PALLD: variants seen among roughly 807,000 people sequenced by gnomAD.
PALLD encodes the protein palladin, cytoskeletal associated protein.
A neutral mutation model predicts 123.5 loss-of-function variants in PALLD; 61 were observed. That is an observed-to-expected ratio of 0.49 (90% confidence interval 0.40 to 0.61). PALLD has a LOEUF of 0.61. Ranked by LOEUF, PALLD falls within the 20% of genes least tolerant of loss-of-function variation. PALLD has a pLI of 0.00. For missense variants in PALLD, 1,273 were observed against 1,377.0 expected, an observed-to-expected ratio of 0.92 and a Z score of 1.20; for synonymous variants, 465 against 496.4, an observed-to-expected ratio of 0.94 and a Z score of 0.84.
chr4:168,710,261 T>C (rs1784705421), intron 9 of PALLD, among the ~76,000 whole-genome samples: 1 of 150,744 alleles, frequency 6.6e-6, no homozygotes, highest in Non-Finnish European at 1.5e-5. Flanking sequence ...GAAGGCAATA[T>C]GAAACAGCTT....
At chr4:168,886,005 T>C (rs1287883539) in intron 10 of PALLD, among the ~76,000 whole-genome samples, 1 of 152,228 alleles carries the variant, frequency 6.6e-6, no homozygotes, top group Non-Finnish European at 1.5e-5. Context: ...CTCTTATTTT[T>C]CTTTGTGGAA....
Position 168,613,923 on chromosome 4 carries a change from G to T in PALLD, c.909-54267G>T, listed in dbSNP as rs150112809. Among the ~76,000 whole-genome samples, 5 of 152,282 alleles carry T rather than the reference G, an allele frequency of 3.3e-5. No homozygotes were observed. The South Asian group carries it at 8.3e-4, about 25-fold the overall frequency. Reference sequence around the variant, plus strand: ...AACATCGTGAAAAGAAATCTGAGTCGTAGAGCTCCACATCCTGCTGCCCTC... The same window carrying T: ...AACATCGTGAAAAGAAATCTGAGTCTTAGAGCTCCACATCCTGCTGCCCTC... On this transcript the variant is annotated intron_variant, in intron 2 of 21. Transcript: ENST00000505667.
chr4:168,541,985 G>A (rs1047532893), intron 2 of PALLD, among the ~76,000 whole-genome samples: 3 of 152,120 alleles, frequency 2.0e-5, no homozygotes, highest in African/African-American at 7.2e-5. Context: ...GCAGAGGTGA[G>A]GGGAAAGTGG....
intron 6 of PALLD, 42 bp downstream of exon 6, chr4:168,685,601 C>G: frequency 1.5e-6 from 2 of 1,330,404 alleles, no homozygotes; most frequent in Non-Finnish European, 2.2e-6. Flanking sequence ...TTGCTTTGGT[C>G]CTTAAATTTC....
intron 2 of PALLD, among the ~76,000 whole-genome samples, chr4:168,567,462 C>A (rs1580349971): frequency 1.3e-5 from 2 of 151,458 alleles, no homozygotes; most frequent in South Asian, 4.2e-4. Flanking sequence ...ATTAAAACCA[C>A]AAAGCAAATG....
intron 10 of PALLD, among the ~76,000 whole-genome samples, chr4:168,878,592 T>G (rs1424895666): frequency 6.7e-6 from 1 of 150,158 alleles, no homozygotes; most frequent in Non-Finnish European, 1.5e-5. Flanking sequence ...CACTTAACAT[T>G]ATCAAAATCA....
chr4:168,623,950 C>T (rs1311539519), intron 2 of PALLD, among the ~76,000 whole-genome samples: 1 of 152,062 alleles, frequency 6.6e-6, no homozygotes, highest in Non-Finnish European at 1.5e-5. Flanking sequence ...AAAGACATAA[C>T]ATAATAAGAT....
At chr4:168,918,320 T>G (rs1760659530) in intron 17 of PALLD, among the ~76,000 whole-genome samples, 1 of 93,096 alleles carries the variant, frequency 1.1e-5, no homozygotes, top group African/African-American at 3.0e-5. Context: ...ATAAAGAAAA[T>G]ATGAGATATA....
rs369231088 is a variant in PALLD at position 168,852,049 on chromosome 4, G to A, written c.1965-38873G>A. Among the ~76,000 whole-genome samples the A allele has an allele frequency of 9.8e-5, 15 of 152,314 alleles. No homozygotes were observed. In the East Asian group the frequency reaches 2.1e-3, roughly 22 times the overall value. On this transcript the variant is annotated intron_variant, in intron 10 of 21. Transcript: ENST00000505667. ...CTGCCTTCCTGAGTGAGTTGGAGAC[G>A]TAGACACTACCTGGACAGGCTGGAG...
At chr4:168,561,896 C>G (rs1478413920) in intron 2 of PALLD, among the ~76,000 whole-genome samples, 2 of 152,006 alleles carry the variant, frequency 1.3e-5, no homozygotes. Flanking sequence ...GCTACCGTGA[C>G]TTTTCCCTCC....
intron 10 of PALLD, among the ~76,000 whole-genome samples, chr4:168,744,901 A>G (rs1471649721): frequency 6.6e-6 from 1 of 152,174 alleles, no homozygotes; most frequent in Non-Finnish European, 1.5e-5. Context: ...AGGCTGAGCT[A>G]TGATGTTCGG....
intron 10 of PALLD, among the ~76,000 whole-genome samples, chr4:168,870,036 G>T (rs185001243): frequency 1.3e-5 from 2 of 152,294 alleles, no homozygotes; most frequent in Admixed American, 6.5e-5. Flanking sequence ...AGGCTGCAGA[G>T]ATACCAAGAA....
rs571819692 is a variant in PALLD at position 168,728,666 on chromosome 4, T to C, written c.1964+16743T>C. ...ATCAGTGAAAAGAGATAATTTGAAT[T>C]CCTTTTTTCCTTTTGGATGCCTTTT... is the stretch of plus-strand genomic sequence containing the variant. On this transcript the variant is annotated intron_variant, in intron 10 of 21. Coordinates refer to ENST00000505667, the MANE Select transcript of PALLD (RefSeq NM_001166108.2). 3.9e-5 allele frequency among the ~76,000 whole-genome samples: 6 copies of C among 152,352 alleles called. No homozygotes were observed. In the South Asian group the frequency reaches 6.2e-4, roughly 16 times the overall value.
chr4:168,632,626 T>TGGCGGA (rs1310774210), intron 2 of PALLD, among the ~76,000 whole-genome samples: 13 of 152,182 alleles, frequency 8.5e-5, no homozygotes, highest in Non-Finnish European at 1.3e-4. Context: ...TGGCGGTGGT[T>TGGCGGA]CTTAGGGAAC....
chr4:168,609,321 G>C (rs1773503415), intron 2 of PALLD, among the ~76,000 whole-genome samples: 1 of 97,564 alleles, frequency 1.0e-5, no homozygotes, highest in South Asian at 3.4e-4. Context: ...GAGGAGATAA[G>C]AAAGCAGGAG....
At chr4:168,666,693 TG>T (rs1379311862) in intron 2 of PALLD, among the ~76,000 whole-genome samples, 2 of 152,186 alleles carry the variant, frequency 1.3e-5, no homozygotes, top group Non-Finnish European at 2.9e-5. Flanking sequence ...TAGAGAATGA[TG>T]TATGTAGGGA....
At chr4:168,677,872 C>T (rs958421550) in intron 3 of PALLD, 7 of 152,522 alleles carry the variant, frequency 4.6e-5, no homozygotes, top group Admixed American at 2.6e-4. Flanking sequence ...GGTGCCTACA[C>T]GACCAGGTTC....
intron 10 of PALLD, among the ~76,000 whole-genome samples, chr4:168,765,400 A>T (rs558832138): frequency 6.6e-6 from 1 of 152,158 alleles, no homozygotes; most frequent in Non-Finnish European, 1.5e-5. Context: ...GAAAGGGAAC[A>T]CAAGGGTAGG....
intron 21 of PALLD, among the ~76,000 whole-genome samples, chr4:168,925,702 A>AATT (rs780588566): frequency 9.2e-5 from 14 of 152,176 alleles, no homozygotes; most frequent in Non-Finnish European, 1.8e-4. Flanking sequence ...ACTAGAAAAA[A>AATT]ATTAAGAATT....
Sources: allele counts gnomAD v4.1 joint callset (sites outside exome capture counted in the v4.1 genomes callset), GRCh38; gene constraint gnomAD v4.1.1; transcripts MANE v1.5; gene names NCBI Gene and HGNC (gene_info 2026-07-23, HGNC 2026-07-21).